The following ZNF416 variants were observed in gnomAD, a reference collection of about 807,000 sequenced individuals.
The protein encoded by ZNF416 is zinc finger protein 416.
ZNF416 carries 5 observed loss-of-function variants against 10.9 expected under a neutral mutation model. The ratio of observed to expected loss-of-function variants is 0.46; its 90% confidence interval spans 0.24 to 0.97. The LOEUF (loss-of-function observed/expected upper bound fraction) is 0.97, where lower values mean the gene tolerates loss of function less well. Among genes scored for constraint, ZNF416 ranks in the 50% least tolerant of loss-of-function variants. The probability of loss-of-function intolerance (pLI) is 0.19; values close to 1 mark genes in which losing one functional copy is unlikely to be tolerated. For missense variants in ZNF416, 675 were observed against 715.0 expected, an observed-to-expected ratio of 0.94 and a Z score of 0.64; for synonymous variants, 267 against 251.8, an observed-to-expected ratio of 1.06 and a Z score of -0.57.
rs1978495473 is a variant in ZNF416 at position 57,575,416 on chromosome 19, A to G, written c.202+388T>C. 6.6e-6 allele frequency among the ~76,000 whole-genome samples: 1 copy of G among 152,216 alleles called. No individual in the cohort carries two copies. ...CAGATCCTTGAAGGAGGTTCTGGCA[A>G]CCACAGCTCATGGTCCATGTAAATA... On this transcript the variant is annotated intron_variant, in intron 3 of 3. Transcript: ENST00000196489. This position sits in a 1 kb window ranked among gnomAD's most constrained non-coding sequence, Gnocchi z 4.4.
At position 57,572,756 on chromosome 19, in the gene ZNF416, T is replaced by A; in HGVS notation, c.1148A>T (p.Glu383Val). The A allele has an allele frequency of 1.2e-6, 2 of 1,614,166 alleles. No homozygotes were observed. Among genetic ancestry groups the A allele is most frequent in the Middle Eastern group, 1.6e-4 (1 of 6,062 alleles). The change falls in exon 4 of 4, where the codon GAG becomes GTG. Residue 383 changes from glutamate to valine, a missense_variant. Transcript: ENST00000196489. This position sits in a 1 kb window ranked among gnomAD's most constrained non-coding sequence, Gnocchi z 4.5. ...GAATAATTTCCCACATTCACCACAC[T>A]CATATGGCTTTTCTCCTGTGTGAGT... ...QRTHTGEKPY[E>V]CGECGKLFRQ... is the part of the protein sequence containing the mutation.
intron 1 of ZNF416, 138 bp from the exon 2 acceptor site, chr19:57,578,236 G>C: frequency 1.2e-6 from 1 of 829,498 alleles, no homozygotes. Context: ...TCAGTTCCGT[G>C]TGACTCTTAC....
Position 57,573,041 on chromosome 19 carries a change from T to C in ZNF416, c.863A>G (p.His288Arg), listed in dbSNP as rs1241090718. 6 of 1,614,222 alleles carry C rather than the reference T, an allele frequency of 3.7e-6. No homozygotes were observed. Among genetic ancestry groups the C allele is most frequent in the East Asian group, 4.5e-5 (2 of 44,882 alleles). Residue 288 changes from histidine (H) to arginine (R), a missense_variant, in exon 4 of 4, where the codon CAT becomes CGT. His to Arg is a conservative substitution (Grantham distance 29, BLOSUM62 0). Coordinates refer to ENST00000196489, the MANE Select transcript of ZNF416 (RefSeq NM_017879.3). ...CCTTTCTCCAGTGTGGATTCTCCGA[T>C]GATCATTCAGATGAGAGGTTTGGCT... is the stretch of plus-strand genomic sequence containing the variant. ...SFSQTSHLND[H>R]RRIHTGERPY...
intron 2 of ZNF416, among the ~76,000 whole-genome samples, chr19:57,577,670 A>G (rs1978593309): frequency 6.6e-6 from 1 of 152,126 alleles, no homozygotes; most frequent in Admixed American, 6.5e-5. Flanking sequence ...CTCTGCCCCC[A>G]AACTGTCATT....
rs1222494434 is a variant in ZNF416 at position 57,575,048 on chromosome 19, A to G, written c.202+756T>C. Among the ~76,000 whole-genome samples the G allele has an allele frequency of 6.6e-6, 1 of 152,212 alleles. No homozygotes were observed. Among genetic ancestry groups the G allele is most frequent in the African/African-American group, 2.4e-5 (1 of 41,444 alleles). On this transcript the variant is annotated intron_variant, in intron 3 of 3. Coordinates refer to ENST00000196489, the MANE Select transcript of ZNF416 (RefSeq NM_017879.3). The surrounding 1 kb of genome is among the most constrained non-coding windows in gnomAD (Gnocchi z 4.4). ...GTCCCAGATGAAGCAATAAGCCAGC[A>G]AAGTGTCAAGGAAGAGGAAGAAAAC...
In ZNF416 at chr19:57,575,099, A is replaced by G. The variant is rs1978484321; in HGVS notation, c.202+705T>C. On this transcript the variant is annotated intron_variant, in intron 3 of 3. Transcript: ENST00000196489. The surrounding 1 kb of genome is among the most constrained non-coding windows in gnomAD (Gnocchi z 4.4). ...ATAGAAATGAGATGTGTCCAGTGGC[A>G]TTAGCACCAAACTCTGGATGACACA... 6.6e-6 allele frequency among the ~76,000 whole-genome samples: 1 copy of G among 152,222 alleles called. No homozygotes were observed. Among genetic ancestry groups the G allele is most frequent in the Admixed American group, 6.5e-5 (1 of 15,286 alleles).
At chr19:57,577,834 C>G (rs1431412604) in intron 2 of ZNF416, among the ~76,000 whole-genome samples, 3 of 152,198 alleles carry the variant, frequency 2.0e-5, no homozygotes, top group Non-Finnish European at 2.9e-5. Context: ...CATCTGGTAT[C>G]TAAGCCTGAG....
At position 57,575,865 on chromosome 19, in the gene ZNF416, C is replaced by T. The variant is rs772757029; in HGVS notation, c.141G>A (p.Glu47=). Residue 47 remains glutamate (E), a synonymous_variant, in exon 3 of 4, where the codon GAG becomes GAA. Transcript: ENST00000196489. The surrounding 1 kb of genome is among the most constrained non-coding windows in gnomAD (Gnocchi z 4.4). ...CATCGCGGTACAGGAGCCTCTGAGC[C>T]TCATCAAGGAGCCCCCATTCTTCCT... ...FSQEEWGLLD[E]AQRLLYRDVM... The T allele has an allele frequency of 1.9e-6, 3 of 1,614,172 alleles. No individual in the cohort carries two copies. The highest frequency in any genetic ancestry group is 1.7e-5 in the Admixed American group (1 of 60,012).
chr19:57,573,806 A>G, intron 3 of ZNF416, 105 bp from the exon 4 acceptor site: 13 of 1,442,898 alleles, frequency 9.0e-6, no homozygotes, highest in Non-Finnish European at 1.2e-5. Flanking sequence ...ACATCTTAAA[A>G]ACTTTGCTGG....
At chr19:57,574,350 A>T (rs1202685010) in intron 3 of ZNF416, among the ~76,000 whole-genome samples, 1 of 152,158 alleles carries the variant, frequency 6.6e-6, no homozygotes, top group Non-Finnish European at 1.5e-5. Flanking sequence ...ACCCCAATAA[A>T]GGCTGTGGCT....
In ZNF416 at chr19:57,572,654, T is replaced by C; in HGVS notation, c.1250A>G (p.Lys417Arg). 6.2e-7 allele frequency: 1 copy of C among 1,614,196 alleles called. No homozygotes were observed. Among genetic ancestry groups the C allele is most frequent in the Non-Finnish European group, 8.5e-7 (1 of 1,180,034 alleles). Residue 417 changes from lysine to arginine, a missense_variant, in exon 4 of 4, where the codon AAA (lysine) becomes AGA (arginine). Physicochemically the swap from Lys to Arg is conservative, Grantham distance 26 (BLOSUM62 2). Coordinates refer to ENST00000196489, the MANE Select transcript of ZNF416 (RefSeq NM_017879.3). This position sits in a 1 kb window ranked among gnomAD's most constrained non-coding sequence, Gnocchi z 4.5. ...GAGGCCACACTTTAGGCTAAATGATTTCCCACACTGGCCACACTCATAAGG... is the reference window on the plus strand; with the variant it reads ...GAGGCCACACTTTAGGCTAAATGATCTCCCACACTGGCCACACTCATAAGG... ...ARPYECGQCG[K>R]SFSLKCGLIQ...
Position 57,572,572 on chromosome 19 carries a change from T to C in ZNF416, c.1332A>G (p.Gly444=), listed in dbSNP as rs1599907270. 6.2e-7 allele frequency: 1 copy of C among 1,613,894 alleles called. No homozygotes were observed. The highest frequency in any genetic ancestry group is 8.5e-7 in the Non-Finnish European group (1 of 1,179,976). The change falls in exon 4 of 4, where the codon GGA becomes GGG. Residue 444 remains glycine (G), a synonymous_variant. Coordinates refer to ENST00000196489, the MANE Select transcript of ZNF416 (RefSeq NM_017879.3). The surrounding 1 kb of genome is among the most constrained non-coding windows in gnomAD (Gnocchi z 4.5). Reference sequence around the variant, plus strand: ...GGGTGGTTCTTTGGCTAAAGGATTTTCCGCACTCATCACACTCAAAGGGCC... The same window carrying C: ...GGGTGGTTCTTTGGCTAAAGGATTTCCCGCACTCATCACACTCAAAGGGCC... ...GARPFECDEC[G]KSFSQRTTLN... is the part of the protein sequence containing the mutation.
chr19:57,578,828 G>A lies in ZNF416; in HGVS notation c.-124C>T. ...AGCGGGGCGACCCCCGCTCTGTGCC[G>A]GAGGCAGCGTTTCTAACTCAGGCGG... is the stretch of plus-strand genomic sequence containing the variant. On this transcript the variant is annotated 5_prime_UTR_variant, in exon 1 of 4. Coordinates refer to ENST00000196489, the MANE Select transcript of ZNF416 (RefSeq NM_017879.3). 1.0e-6 allele frequency: 1 copy of A among 1,001,044 alleles called. No individual in the cohort carries two copies. Among genetic ancestry groups the A allele is most frequent in the Non-Finnish European group, 1.3e-6 (1 of 743,162 alleles). The allele number at this position is 1,001,044 out of a possible 1,614,324, so 62.0% of individuals were successfully genotyped here. A position where few individuals can be genotyped will look rare whatever the true frequency, so the allele number is the denominator to read the frequency against.
Position 57,571,920 on chromosome 19 carries a change from G to T in ZNF416, c.*199C>A. On this transcript the variant is annotated 3_prime_UTR_variant, in exon 4 of 4. Coordinates refer to ENST00000196489, the MANE Select transcript of ZNF416 (RefSeq NM_017879.3). ...TCTGGCAAAGGCCTCCAGCAGTTTAGAACATGCAAAGGAGCTCCTGCAAGA... is the reference window on the plus strand; with the variant it reads ...TCTGGCAAAGGCCTCCAGCAGTTTATAACATGCAAAGGAGCTCCTGCAAGA... 1.6e-6 allele frequency: 1 copy of T among 627,476 alleles called. No homozygotes were observed. Among genetic ancestry groups the T allele is most frequent in the Non-Finnish European group, 2.7e-6 (1 of 371,212 alleles). The allele number at this position is 627,476 out of a possible 1,614,324, so 38.9% of individuals were successfully genotyped here. A position where few individuals can be genotyped will look rare whatever the true frequency, so the allele number is the denominator to read the frequency against.
Position 57,571,958 on chromosome 19 carries a change from GA to G in ZNF416, c.*160del. 1.2e-6 allele frequency: 1 copy of G among 855,546 alleles called. No homozygotes were observed. Among genetic ancestry groups the G allele is most frequent in the Non-Finnish European group, 1.8e-6 (1 of 551,122 alleles). The allele number at this position is 855,546 out of a possible 1,614,324, so 53.0% of individuals were successfully genotyped here. On this transcript the variant is annotated 3_prime_UTR_variant, in exon 4 of 4. Transcript: ENST00000196489. ...AGCTCCTGCAAGACACATATGCCTG[GA>G]ACTAATGGGAGTCTGACCCATCGGG... is the stretch of plus-strand genomic sequence containing the variant.
In ZNF416 at chr19:57,573,545, G is replaced by T; in HGVS notation, c.359C>A (p.Thr120Asn). 1 of 1,614,190 alleles carries T rather than the reference G, an allele frequency of 6.2e-7. No homozygotes were observed. Among genetic ancestry groups the T allele is most frequent in the Non-Finnish European group, 8.5e-7 (1 of 1,180,034 alleles). ...VPFLTDILHL[T>N]DLPGQELYLT... ...GTATAGTTCCTGCCCAGGCAAATCG[G>T]TCAGGTGCAAAATGTCGGTCAGGAA... is the stretch of plus-strand genomic sequence containing the variant. The change falls in exon 4 of 4, where the codon ACC becomes AAC. Residue 120 changes from threonine to asparagine, a missense_variant. Thr to Asn is a moderately conservative substitution (Grantham distance 65). Transcript: ENST00000196489.
Position 57,578,740 on chromosome 19 carries a change from C to G in ZNF416, c.-36G>C, listed in dbSNP as rs776429882. The G allele has an allele frequency of 6.9e-7, 1 of 1,440,118 alleles. No individual in the cohort carries two copies. The highest frequency in any genetic ancestry group is 2.0e-4 in the Middle Eastern group (1 of 5,096). 89.2% of individuals were successfully genotyped at this position (1,440,118 alleles called of 1,614,324 possible). On this transcript the variant is annotated 5_prime_UTR_variant, in exon 1 of 4. Transcript: ENST00000196489. Reference sequence around the variant, plus strand: ...GCGGAGCGGGGCCGGGAGCGGCGGGCGACCCGGGGCGGGAACCCAGGCACG... The same window carrying G: ...GCGGAGCGGGGCCGGGAGCGGCGGGGGACCCGGGGCGGGAACCCAGGCACG...
At position 57,572,375 on chromosome 19, in the gene ZNF416, A is replaced by G; in HGVS notation, c.1529T>C (p.Val510Ala). Residue 510 changes from valine (V) to alanine (A), a missense_variant, in exon 4 of 4, where the codon GTT (valine) becomes GCT (alanine). Transcript: ENST00000196489. The surrounding 1 kb of genome is among the most constrained non-coding windows in gnomAD (Gnocchi z 4.5). Reference protein sequence around the residue: ...GKFFRQSYTLVEHQKIHTGLR... With the variant: ...GKFFRQSYTLAEHQKIHTGLR... The stretch of plus-strand genomic sequence containing the variant: ...TCCAGTGTGAATTTTCTGGTGTTCA[A>G]CGAGGGTATAGCTTTGTCTAAAAAA... The G allele has an allele frequency of 6.2e-7, 1 of 1,614,236 alleles. No homozygotes were observed. Among genetic ancestry groups the G allele is most frequent in the Non-Finnish European group, 8.5e-7 (1 of 1,180,040 alleles).
chr19:57,577,346 TCTA>T (rs1943428631), intron 2 of ZNF416, among the ~76,000 whole-genome samples: 1 of 152,238 alleles, frequency 6.6e-6, no homozygotes, highest in African/African-American at 2.4e-5. Flanking sequence ...GATAACTGAC[TCTA>T]CTACCAACTT....
Sources: gnomAD v4.1 joint callset for allele counts (sites outside exome capture counted in the v4.1 genomes callset) on GRCh38, gnomAD v4.1.1 for gene constraint, Gnocchi (gnomAD v3.1) non-coding constraint, MANE v1.5 for transcripts, NCBI Gene and HGNC (gene_info 2026-07-23, HGNC 2026-07-21) for gene names.